The following RRAS2 variants were observed in gnomAD, a reference collection of about 807,000 sequenced individuals.
RRAS2 encodes RAS related 2, also known as ras-related protein R-Ras2.
A neutral mutation model predicts 27.6 loss-of-function variants in RRAS2; 7 were observed. That is an observed-to-expected ratio of 0.25 (90% CI 0.14 to 0.48). RRAS2 has a LOEUF of 0.48. Ranked by LOEUF, RRAS2 falls within the 20% of genes least tolerant of loss-of-function variation. The pLI, the probability that RRAS2 is intolerant of heterozygous loss-of-function variation, is 0.99. For synonymous variants in RRAS2, 86 were observed against 90.9 expected, an observed-to-expected ratio of 0.95 and a Z score of 0.31; for missense variants, 178 against 256.2, an observed-to-expected ratio of 0.69 and a Z score of 2.08.
intron 1 of RRAS2, among the ~76,000 whole-genome samples, chr11:14,344,554 C>T (rs1201700536): frequency 6.6e-6 from 1 of 152,226 alleles, no homozygotes; most frequent in African/African-American, 2.4e-5. Context: ...TCTTCCTCTG[C>T]AGTTTGACTT....
rs755921449 is a variant in RRAS2, at chr11:14,307,457, G to A, written c.109-11602C>T. Among the ~76,000 whole-genome samples the A allele has an allele frequency of 4.4e-4, 67 of 151,996 alleles. 1 individual carries two copies. The highest frequency in any genetic ancestry group is 7.2e-4 in the Non-Finnish European group (49 of 68,002). On this transcript the variant is annotated intron_variant, in intron 1 of 5. Transcript: ENST00000256196. ...GCTGGAGAGCAGTGGTGCAATCTCG[G>A]CTCAATGCAACCTCCGTCTCTCCCT... is the stretch of plus-strand genomic sequence containing the variant.
chr11:14,327,561 T>C (rs910152090), intron 1 of RRAS2, among the ~76,000 whole-genome samples: 1 of 152,224 alleles, frequency 6.6e-6, no homozygotes, highest in Non-Finnish European at 1.5e-5. Flanking sequence ...TAAACTTACA[T>C]TGCCTGAGCA....
At chr11:14,310,643 G>GA (rs1847941244) in intron 1 of RRAS2, among the ~76,000 whole-genome samples, 1 of 151,860 alleles carries the variant, frequency 6.6e-6, no homozygotes. Context: ...TACAGATAAG[G>GA]AAAAAAAGAA....
intron 4 of RRAS2, among the ~76,000 whole-genome samples, chr11:14,285,399 C>G (rs1591442216): frequency 6.6e-6 from 1 of 152,278 alleles, no homozygotes; most frequent in African/African-American, 2.4e-5. Flanking sequence ...AAAAAACAAA[C>G]TAGTTAACAA....
chr11:14,304,651 G>A (rs1223828241), intron 1 of RRAS2, among the ~76,000 whole-genome samples: 1 of 152,202 alleles, frequency 6.6e-6, no homozygotes, highest in Non-Finnish European at 1.5e-5. Context: ...CAAAGTAGGG[G>A]AGGACTGCAG....
chr11:14,322,422 A>G (rs575932454), intron 1 of RRAS2, among the ~76,000 whole-genome samples: 1 of 152,130 alleles, frequency 6.6e-6, no homozygotes, highest in South Asian at 2.1e-4. Flanking sequence ...CCTGGGTGAC[A>G]ATGTGAGGAG....
In RRAS2 at chr11:14,358,318, G is replaced by T; in HGVS notation, c.108+445C>A. 1 of 985,514 alleles carries T rather than the reference G, an allele frequency of 1.0e-6. No individual in the cohort carries two copies. The highest frequency in any genetic ancestry group is 1.2e-6 in the Non-Finnish European group (1 of 830,004). 61.0% of individuals were successfully genotyped at this position (985,514 alleles called of 1,614,324 possible). On this transcript the variant is annotated intron_variant, in intron 1 of 5. Transcript: ENST00000256196. This position sits in a 1 kb window ranked among gnomAD's most constrained non-coding sequence, Gnocchi z 5.1. ...AGCCCGGAGACCACGCGGAGCCGCG[G>T]CCAAGTTGCCACCGCTATCGCCCCG...
At chr11:14,362,336 CTA>C (rs1849200707), upstream of RRAS2, among the ~76,000 whole-genome samples, 2 of 152,162 alleles carry the variant, frequency 1.3e-5, no homozygotes, top group South Asian at 4.1e-4. Flanking sequence ...TATATTAACT[CTA>C]TTCCTTTATT....
intron 4 of RRAS2, among the ~76,000 whole-genome samples, chr11:14,293,602 G>A (rs782486935): frequency 8.5e-5 from 13 of 152,056 alleles, no homozygotes; most frequent in East Asian, 3.9e-4. Context: ...TATAAAGGGC[G>A]GTTTCCCTGC....
chr11:14,357,089 T>A (rs1849095824), intron 1 of RRAS2, among the ~76,000 whole-genome samples: 1 of 152,124 alleles, frequency 6.6e-6, no homozygotes, highest in African/African-American at 2.4e-5. Context: ...CCAGGCCCAA[T>A]TACCGCTTTC....
chr11:14,351,592 T>A (rs1199816748), intron 1 of RRAS2, among the ~76,000 whole-genome samples: 3 of 152,054 alleles, frequency 2.0e-5, no homozygotes, highest in African/African-American at 7.2e-5. Context: ...TAGCCGGGCA[T>A]GGTGGCAAGC....
chr11:14,363,157 C>T (rs1849211426), upstream of RRAS2, among the ~76,000 whole-genome samples: 1 of 152,310 alleles, frequency 6.6e-6, no homozygotes, highest in Non-Finnish European at 1.5e-5. Context: ...AAGCTAAATA[C>T]TGACTGCGTT....
chr11:14,348,259 T>C (rs1250294397), intron 1 of RRAS2, among the ~76,000 whole-genome samples: 1 of 152,248 alleles, frequency 6.6e-6, no homozygotes, highest in East Asian at 1.9e-4. Context: ...TTTCATCACA[T>C]GGGCAAGTTG....
intron 1 of RRAS2, chr11:14,356,799 T>G (rs889897567): frequency 6.9e-6 from 3 of 432,004 alleles, no homozygotes; most frequent in South Asian, 5.0e-5. Flanking sequence ...CGGCAATTAA[T>G]GCTTTTTTTT....
At chr11:14,291,941 A>G (rs1847404993) in intron 4 of RRAS2, among the ~76,000 whole-genome samples, 1 of 152,224 alleles carries the variant, frequency 6.6e-6, no homozygotes, top group Non-Finnish European at 1.5e-5. Context: ...CCAAGCCTAA[A>G]CACAAAATTT....
At chr11:14,363,407 C>T (rs782623969), upstream of RRAS2, among the ~76,000 whole-genome samples, 4 of 152,192 alleles carry the variant, frequency 2.6e-5, no homozygotes, top group East Asian at 5.8e-4. Flanking sequence ...AAACTGGGCT[C>T]CTCCCCAGAC....
intron 1 of RRAS2, among the ~76,000 whole-genome samples, chr11:14,347,345 G>A (rs1173077657): frequency 1.3e-5 from 2 of 152,124 alleles, no homozygotes; most frequent in African/African-American, 4.8e-5. Flanking sequence ...GAATGCAGAA[G>A]ATTTTTGAAA....
chr11:14,293,159 A>C (rs1235517296), intron 4 of RRAS2, among the ~76,000 whole-genome samples: 1 of 123,668 alleles, frequency 8.1e-6, no homozygotes, highest in Non-Finnish European at 1.7e-5. Flanking sequence ...ATATATATAT[A>C]TATCATTTTC....
At position 14,279,423 on chromosome 11, in the gene RRAS2, T is replaced by C. The variant is rs1554943977; in HGVS notation, c.529A>G (p.Lys177Glu). 1 of 1,608,438 alleles carries C rather than the reference T, an allele frequency of 6.2e-7. No individual in the cohort carries two copies. Among genetic ancestry groups the C allele is most frequent in the Admixed American group, 1.7e-5 (1 of 60,010 alleles). The change falls in exon 6 of 6, where the codon AAA (lysine) becomes GAA (glutamate). Residue 177 changes from lysine (K) to glutamate (E), a missense_variant and splice_region_variant. Lys to Glu is a moderately conservative substitution (Grantham distance 56, BLOSUM62 1). Coordinates refer to ENST00000256196, the MANE Select transcript of RRAS2 (RefSeq NM_012250.6). ...GGAGGACATTCCTGCTCTTGAAATT[T>C]CCTGTAAGATAAAAAATTCTAAAAT... The part of the protein sequence containing the change: ...AFHELVRVIR[K>E]FQEQECPPSP...
Sources: allele counts gnomAD v4.1 joint callset (sites outside exome capture counted in the v4.1 genomes callset), GRCh38; gene constraint gnomAD v4.1.1; non-coding constraint Gnocchi (gnomAD v3.1); transcripts MANE v1.5; gene names NCBI Gene and HGNC (gene_info 2026-07-23, HGNC 2026-07-21).